The following SLC24A2 variants were observed in gnomAD, a reference collection of about 807,000 sequenced individuals.
The protein encoded by SLC24A2 is solute carrier family 24 member 2, also known as sodium/potassium/calcium exchanger 2.
In SLC24A2, 36 loss-of-function variants were observed where a neutral mutation model predicts 62.0. That is an observed-to-expected ratio of 0.58 (90% CI 0.44 to 0.77). The LOEUF is 0.77. Ranked by LOEUF, SLC24A2 falls within the 30% of genes least tolerant of loss-of-function variation. The pLI is 0.00. For missense variants in SLC24A2, 846 were observed against 817.9 expected (o/e 1.03, Z -0.42); for synonymous variants, 358 against 294.0 (o/e 1.22, Z -2.23).
intron 7 of SLC24A2, among the ~76,000 whole-genome samples, chr9:19,569,221 G>C (rs188393789): frequency 6.6e-6 from 1 of 152,142 alleles, no homozygotes; most frequent in East Asian, 1.9e-4. Context: ...AAAAGCTTTA[G>C]AAATGTAAAA....
the SLC24A2 span, among the ~76,000 whole-genome samples, chr9:20,014,862 A>G: frequency 1.3e-5 from 2 of 152,266 alleles, no homozygotes; most frequent in African/African-American, 4.8e-5. Context: ...ATATATTTCA[A>G]AATAACAGAG....
the SLC24A2 span, among the ~76,000 whole-genome samples, chr9:20,154,588 A>G: frequency 6.6e-6 from 1 of 151,682 alleles, no homozygotes; most frequent in East Asian, 1.9e-4. Flanking sequence ...GTCAGGTAAC[A>G]TTACGTAAGG....
the SLC24A2 span, among the ~76,000 whole-genome samples, chr9:19,834,083 C>T: frequency 6.6e-6 from 1 of 152,054 alleles, no homozygotes; most frequent in African/African-American, 2.4e-5. Context: ...TGTACGTCAC[C>T]ATCATCAAAG....
Position 19,528,094 on chromosome 9 carries a change from G to T in SLC24A2, c.1524C>A (p.Thr508=). ...FFPITFFGSI[T]WIAVFSYLMV... ...TCAAGTAAGAGAATACTGCAATCCA[G>T]GTAATGGAGCCAAAGAACGTGATGG... The change falls in exon 9 of 11, where the codon ACC becomes ACA. Residue 508 remains threonine, a synonymous_variant. Transcript: ENST00000341998. 3 of 1,598,918 alleles carry T rather than the reference G, an allele frequency of 1.9e-6. No individual in the cohort carries two copies. In the South Asian group the frequency reaches 3.4e-5, roughly 18 times the overall value.
chr9:20,073,233 G>T, the SLC24A2 span, among the ~76,000 whole-genome samples: 2 of 152,096 alleles, frequency 1.3e-5, no homozygotes, highest in Non-Finnish European at 2.9e-5. Context: ...ATACTTATTA[G>T]CAGATTGCAT....
intron 2 of SLC24A2, among the ~76,000 whole-genome samples, chr9:19,778,979 T>A (rs181843645): frequency 7.9e-5 from 12 of 152,134 alleles, no homozygotes; most frequent in Admixed American, 3.9e-4. Flanking sequence ...AAGAGCCACA[T>A]AAGACTTGTA....
chr9:19,880,665 G>C, the SLC24A2 span, among the ~76,000 whole-genome samples: 1 of 152,176 alleles, frequency 6.6e-6, no homozygotes, highest in Non-Finnish European at 1.5e-5. Flanking sequence ...AATGGGATGA[G>C]TGTGGGAAAT....
At chr9:19,718,314 A>T (rs1820921930) in intron 2 of SLC24A2, among the ~76,000 whole-genome samples, 3 of 59,412 alleles carry the variant, frequency 5.0e-5, no homozygotes, top group Admixed American at 2.3e-4. Flanking sequence ...TTTTTTTTAG[A>T]CAGGGTCTGG....
At chr9:19,682,134 G>A (rs1227652306) in intron 2 of SLC24A2, among the ~76,000 whole-genome samples, 1 of 152,110 alleles carries the variant, frequency 6.6e-6, no homozygotes, top group African/African-American at 2.4e-5. Context: ...CTTGCATCAT[G>A]GATGTGCTTT....
chr9:19,917,561 AT>A, the SLC24A2 span, among the ~76,000 whole-genome samples: 2 of 151,390 alleles, frequency 1.3e-5, no homozygotes, highest in Admixed American at 1.3e-4. Context: ...AGGTCTTGTG[AT>A]TTTTTTTCAT....
At chr9:19,842,316 C>T in the SLC24A2 span, among the ~76,000 whole-genome samples, 2 of 152,148 alleles carry the variant, frequency 1.3e-5, no homozygotes, top group Non-Finnish European at 2.9e-5. Context: ...ATGAACTGGT[C>T]TTACTACATA....
At chr9:19,990,581 A>T in the SLC24A2 span, among the ~76,000 whole-genome samples, 1 of 150,656 alleles carries the variant, frequency 6.6e-6, no homozygotes, top group African/African-American at 2.5e-5. Flanking sequence ...ACTGCACTCC[A>T]GCCTGGCGAC....
chr9:20,265,573 T>G, the SLC24A2 span, among the ~76,000 whole-genome samples: 1 of 152,238 alleles, frequency 6.6e-6, no homozygotes, highest in East Asian at 1.9e-4. Flanking sequence ...GTCGTTTTCA[T>G]AAGCTGAGGA....
In SLC24A2 at chr9:19,720,690, C is replaced by CT. The variant is rs767086893; in HGVS notation, c.930+65246_930+65247insA. Among the ~76,000 whole-genome samples, 3 of 31,666 alleles carry CT rather than the reference C, an allele frequency of 9.5e-5. No homozygotes were observed. In the East Asian group the frequency reaches 7.7e-3, roughly 81 times the overall value. 20.8% of individuals were successfully genotyped at this position (31,666 alleles called of 152,430 possible). On this transcript the variant is annotated intron_variant, in intron 2 of 10. Coordinates refer to ENST00000341998, the MANE Select transcript of SLC24A2 (RefSeq NM_020344.4). ...TGTATATTAACAATTACAATGACAA[C>CT]CCCCCCCCCCAAAAAAAATCACCTT... is the stretch of plus-strand genomic sequence containing the variant.
At chr9:19,821,136 G>A in the SLC24A2 span, among the ~76,000 whole-genome samples, 1 of 152,034 alleles carries the variant, frequency 6.6e-6, no homozygotes, top group Admixed American at 6.6e-5. Context: ...CAATTTAACT[G>A]CCTACACTTC....
At chr9:20,157,313 G>A in the SLC24A2 span, among the ~76,000 whole-genome samples, 1 of 151,292 alleles carries the variant, frequency 6.6e-6, no homozygotes, top group African/African-American at 2.4e-5. Flanking sequence ...AAAAAGCCAC[G>A]AATTTCAAAT....
At chr9:19,854,736 G>A in the SLC24A2 span, among the ~76,000 whole-genome samples, 2 of 152,286 alleles carry the variant, frequency 1.3e-5, no homozygotes, top group South Asian at 2.1e-4. Flanking sequence ...TAGAGTAAGT[G>A]CCATGTGGTG....
chr9:20,231,782 G>C, the SLC24A2 span, among the ~76,000 whole-genome samples: 2 of 151,432 alleles, frequency 1.3e-5, no homozygotes, highest in Admixed American at 6.6e-5. Flanking sequence ...TTGAACAGGA[G>C]TGGTGAGAGA....
At chr9:19,573,614 G>A (rs1291499533) in intron 6 of SLC24A2, 145 bp from the exon 7 acceptor site, 1 of 750,594 alleles carries the variant, frequency 1.3e-6, no homozygotes, top group African/African-American at 1.7e-5. Context: ...TAAAATGTTG[G>A]GCTAAAGCAG....
Sources: allele counts gnomAD v4.1 joint callset (sites outside exome capture counted in the v4.1 genomes callset), GRCh38; gene constraint gnomAD v4.1.1; transcripts MANE v1.5; gene names NCBI Gene and HGNC (gene_info 2026-07-23, HGNC 2026-07-21).